PPFIBP1: variants seen among roughly 807,000 people sequenced by gnomAD.
PPFIBP1 encodes the protein PPFIB scaffold protein 1.
In PPFIBP1, 112 loss-of-function variants were observed where a neutral mutation model predicts 137.8. That is an observed-to-expected ratio of 0.81 (90% CI 0.70 to 0.95). The LOEUF is 0.95. PPFIBP1 is among the 40% of genes least tolerant of loss of function. The probability of loss-of-function intolerance (pLI) is 0.00; values close to 1 mark genes in which losing one functional copy is unlikely to be tolerated. For synonymous variants in PPFIBP1, 378 were observed against 417.3 expected (o/e 0.91, Z 1.15); for missense variants, 1,083 against 1,196.6 (o/e 0.91, Z 1.40).
At chr12:27,684,752 G>A (rs2061096727) in intron 24 of PPFIBP1, among the ~76,000 whole-genome samples, 1 of 149,628 alleles carries the variant, frequency 6.7e-6, no homozygotes, top group Non-Finnish European at 1.5e-5. Context: ...TATTATTATA[G>A]TGTGTATAAT....
At chr12:27,614,427 A>T (rs1195190805) in intron 2 of PPFIBP1, among the ~76,000 whole-genome samples, 1 of 152,166 alleles carries the variant, frequency 6.6e-6, no homozygotes, top group East Asian at 1.9e-4. Flanking sequence ...GACTTCTTTA[A>T]CTTTTTGCTT....
rs531253096 is a variant in PPFIBP1, at chr12:27,625,285, T to A, written c.-35-8077T>A. Reference sequence around the variant, plus strand: ...TATAGATGGATAGAATAGTATAGTGTACCCCTACATACCACCACCCATTTT... The same window carrying A: ...TATAGATGGATAGAATAGTATAGTGAACCCCTACATACCACCACCCATTTT... On this transcript the variant is annotated intron_variant, in intron 2 of 29. Coordinates refer to ENST00000228425, the MANE Select transcript of PPFIBP1 (RefSeq NM_003622.4). 1.2e-3 allele frequency among the ~76,000 whole-genome samples: 179 copies of A among 152,260 alleles called. 5 individuals carry two copies. In the South Asian group the frequency reaches 0.035, roughly 30 times the overall value.
chr12:27,669,563 T>G (rs1316812426), intron 13 of PPFIBP1, among the ~76,000 whole-genome samples: 2 of 152,116 alleles, frequency 1.3e-5, no homozygotes, highest in Non-Finnish European at 2.9e-5. Flanking sequence ...GTTAAAGTCT[T>G]AAAGTTTGAA....
At chr12:27,583,965 C>CT (rs200816610) in intron 2 of PPFIBP1, among the ~76,000 whole-genome samples, 7 of 152,100 alleles carry the variant, frequency 4.6e-5, no homozygotes, top group Non-Finnish European at 8.8e-5. Flanking sequence ...GTTGATTCTT[C>CT]TTTTTTTGTG....
At chr12:27,629,458 G>A (rs2138871792) in intron 2 of PPFIBP1, among the ~76,000 whole-genome samples, 1 of 152,228 alleles carries the variant, frequency 6.6e-6, no homozygotes, top group African/African-American at 2.4e-5. Flanking sequence ...TCTATCGTAG[G>A]TTACCTGTTC....
chr12:27,623,935 C>T (rs1356491516), intron 2 of PPFIBP1, among the ~76,000 whole-genome samples: 1 of 152,142 alleles, frequency 6.6e-6, no homozygotes, highest in Non-Finnish European at 1.5e-5. Flanking sequence ...AGCAGAAATA[C>T]AGTCTGTTTT....
chr12:27,598,115 C>T (rs771800511), intron 2 of PPFIBP1, among the ~76,000 whole-genome samples: 1 of 152,126 alleles, frequency 6.6e-6, no homozygotes, highest in African/African-American at 2.4e-5. Flanking sequence ...AGAAGTTTTA[C>T]TTATTTGTAC....
At chr12:27,628,551 T>C (rs4598707) in intron 2 of PPFIBP1, among the ~76,000 whole-genome samples, 48,605 of 152,056 alleles carry the variant, frequency 0.32, 8,366 homozygotes, top group Middle Eastern at 0.39. Flanking sequence ...AGCAGATTTC[T>C]GGGTAAGCAA....
chr12:27,585,171 T>C (rs1386019126), intron 2 of PPFIBP1, among the ~76,000 whole-genome samples: 1 of 152,246 alleles, frequency 6.6e-6, no homozygotes, highest in African/African-American at 2.4e-5. Context: ...AATGAATGAA[T>C]TTAAACATCT....
intron 1 of PPFIBP1, among the ~76,000 whole-genome samples, chr12:27,555,004 C>T (rs2048596338): frequency 2.0e-5 from 3 of 151,860 alleles, no homozygotes; most frequent in Non-Finnish European, 1.5e-5. Flanking sequence ...TTTTTTGATC[C>T]CTGAGGACGG....
At position 27,615,874 on chromosome 12, in the gene PPFIBP1, C is replaced by G. The variant is rs183439361; in HGVS notation, c.-35-17488C>G. 2.6e-5 allele frequency among the ~76,000 whole-genome samples: 4 copies of G among 152,202 alleles called. No homozygotes were observed. The East Asian group carries it at 5.8e-4, about 22-fold the overall frequency. On this transcript the variant is annotated intron_variant, in intron 2 of 29. Coordinates refer to ENST00000228425, the MANE Select transcript of PPFIBP1 (RefSeq NM_003622.4). ...CTCAGCTGAGACCCAAGCCCTCCCC[C>G]AAAAGAATTGTCCCAGGATAACTCA...
In PPFIBP1 at chr12:27,676,476, C is replaced by A. The variant is rs1194331971; in HGVS notation, c.1459C>A (p.Pro487Thr). The A allele has an allele frequency of 3.2e-6, 5 of 1,585,852 alleles. No homozygotes were observed. The African/African-American group carries it at 4.1e-5, about 13-fold the overall frequency. Residue 487 changes from proline (P) to threonine (T), a missense_variant, in exon 18 of 30, where the codon CCC (proline) becomes ACC (threonine). Physicochemically the swap from Pro to Thr is conservative, Grantham distance 38 (BLOSUM62 -1). Transcript: ENST00000228425. ...GCCATTTGGGACCCTTCCTCCCAGG[C>A]CCCCAGGGCAGGACACCTCCATGGA... is the stretch of plus-strand genomic sequence containing the variant. ...SRPFGTLPPR[P>T]PGQDTSMDDN...
intron 7 of PPFIBP1, among the ~76,000 whole-genome samples, chr12:27,654,018 A>G (rs1193456934): frequency 6.6e-6 from 1 of 152,236 alleles, no homozygotes; most frequent in East Asian, 1.9e-4. Flanking sequence ...AAATGTATGC[A>G]CATACCCAGA....
chr12:27,631,491 G>A (rs1192703283), intron 2 of PPFIBP1, among the ~76,000 whole-genome samples: 1 of 152,124 alleles, frequency 6.6e-6, no homozygotes, highest in African/African-American at 2.4e-5. Flanking sequence ...GTCTTTCCCT[G>A]ACTAGTACAT....
intron 1 of PPFIBP1, among the ~76,000 whole-genome samples, chr12:27,545,814 G>A (rs146056379): frequency 1.3e-4 from 20 of 152,148 alleles, no homozygotes; most frequent in Admixed American, 8.5e-4. Flanking sequence ...TAAGAAATTG[G>A]TGTGCTGTTT....
chr12:27,672,328 T>A, intron 14 of PPFIBP1, 99 bp from the exon 15 acceptor site: 2 of 883,476 alleles, frequency 2.3e-6, no homozygotes. Context: ...AATAGCTTCC[T>A]TTGCATAATT....
chr12:27,650,931 T>C (rs990403959), intron 7 of PPFIBP1, among the ~76,000 whole-genome samples: 12 of 152,300 alleles, frequency 7.9e-5, no homozygotes, highest in African/African-American at 2.9e-4. Flanking sequence ...CCCCTCCTTT[T>C]TGCTTCCTAT....
intron 13 of PPFIBP1, among the ~76,000 whole-genome samples, chr12:27,667,796 G>A (rs2059951478): frequency 6.6e-6 from 1 of 152,162 alleles, no homozygotes; most frequent in Non-Finnish European, 1.5e-5. Context: ...GGTGGTTGAG[G>A]CTGGCCTTTG....
intron 13 of PPFIBP1, among the ~76,000 whole-genome samples, chr12:27,667,593 G>A (rs1260117311): frequency 3.9e-5 from 6 of 152,242 alleles, no homozygotes; most frequent in Non-Finnish European, 8.8e-5. Context: ...AAACTGGCAG[G>A]AAAATCTGTT....
Sources: gnomAD v4.1 joint callset for allele counts (sites outside exome capture counted in the v4.1 genomes callset) on GRCh38, gnomAD v4.1.1 for gene constraint, MANE v1.5 for transcripts, NCBI Gene and HGNC (gene_info 2026-07-23, HGNC 2026-07-21) for gene names.